The following GUCY1A1 variants were observed in gnomAD, a reference collection of about 807,000 sequenced individuals.
GUCY1A1 encodes the protein guanylate cyclase soluble subunit alpha-1.
A neutral mutation model predicts 64.5 loss-of-function variants in GUCY1A1; 48 were observed. The ratio of observed to expected loss-of-function variants is 0.74; its 90% CI spans 0.59 to 0.95. GUCY1A1 has a LOEUF of 0.95. GUCY1A1 is among the 40% of genes least tolerant of loss of function. The pLI is 0.00. For missense variants in GUCY1A1, 804 were observed against 825.3 expected (o/e 0.97, Z 0.32); for synonymous variants, 308 against 303.4 (o/e 1.02, Z -0.16).
rs1437907422 is a variant in GUCY1A1 at position 155,696,972 on chromosome 4, A to C, written c.105A>C (p.Gly35=). ...VPNESSEEAA[G]SSESCKATVP... is the part of the protein sequence containing the mutation. ...ACGAGTCTTCAGAGGAGGCAGCAGG[A>C]AGCTCAGAGAGCTGCAAAGCAACCG... Residue 35 remains glycine (G), a synonymous_variant, in exon 3 of 10, where the codon GGA becomes GGC. Transcript: ENST00000506455. 9 of 1,613,216 alleles carry C rather than the reference A, an allele frequency of 5.6e-6. No individual in the cohort carries two copies. The highest frequency in any genetic ancestry group is 7.6e-6 in the Non-Finnish European group (9 of 1,179,282).
rs1040310043 is a variant in GUCY1A1 at position 155,705,560 on chromosome 4, G to A, written c.317+1567G>A. Among the ~76,000 whole-genome samples, 651 of 135,406 alleles carry A rather than the reference G, an allele frequency of 4.8e-3. 5 individuals are homozygous for A. Among genetic ancestry groups the A allele is most frequent in the African/African-American group, 0.016 (614 of 38,488 alleles). 88.8% of individuals were successfully genotyped at this position (135,406 alleles called of 152,430 possible). On this transcript the variant is annotated intron_variant, in intron 4 of 9. Transcript: ENST00000506455. ...ATCTCAAAAAAAAAAAAAAAAAAAA[G>A]TAATAGGCCCCGTTTTTGATTCCCT... is the stretch of plus-strand genomic sequence containing the variant.
rs561921845 is a variant in GUCY1A1, at chr4:155,727,231, T to C, written c.1872-2799T>C. On this transcript the variant is annotated intron_variant, in intron 9 of 9. Coordinates refer to ENST00000506455, the MANE Select transcript of GUCY1A1 (RefSeq NM_001130682.3). ...TTTTTGGGTGTTGCTATCATCAAGCTTTCATCGAAATGGTTTGTTTTTCTA... is the reference window on the plus strand; with the variant it reads ...TTTTTGGGTGTTGCTATCATCAAGCCTTCATCGAAATGGTTTGTTTTTCTA... Among the ~76,000 whole-genome samples the C allele has an allele frequency of 4.6e-5, 7 of 152,064 alleles. No homozygotes were observed. The South Asian group carries it at 8.3e-4, about 18-fold the overall frequency.
At chr4:155,680,466 G>C (rs949418098) in intron 2 of GUCY1A1, among the ~76,000 whole-genome samples, 11 of 151,532 alleles carry the variant, frequency 7.3e-5, no homozygotes, top group African/African-American at 2.7e-4. Context: ...GTATATGTGT[G>C]TGTGTGTGTG....
In GUCY1A1 at chr4:155,732,311, G is replaced by A. The variant is rs776165750; in HGVS notation, c.*2080G>A. 4.6e-5 allele frequency: 7 copies of A among 151,754 alleles called. No individual in the cohort carries two copies. The highest frequency in any genetic ancestry group is 2.1e-4 in the South Asian group (1 of 4,832). The allele number at this position is 151,754 out of a possible 1,614,324, so 9.4% of individuals were successfully genotyped here. On this transcript the variant is annotated 3_prime_UTR_variant, in exon 10 of 10. Transcript: ENST00000506455. ...CGATTCCTGCAACTTTTCTATAAACGTGGCATTATATCTAAATAAAAAATT... is the reference window on the plus strand; with the variant it reads ...CGATTCCTGCAACTTTTCTATAAACATGGCATTATATCTAAATAAAAAATT...
chr4:155,692,680 G>C (rs997258819), intron 2 of GUCY1A1, among the ~76,000 whole-genome samples: 7 of 152,322 alleles, frequency 4.6e-5, no homozygotes, highest in African/African-American at 1.7e-4. Flanking sequence ...GTGCCAGAGA[G>C]TGTGGTAAGG....
At chr4:155,712,895 G>A (rs1307090185) in intron 6 of GUCY1A1, among the ~76,000 whole-genome samples, 2 of 152,206 alleles carry the variant, frequency 1.3e-5, no homozygotes, top group South Asian at 4.1e-4. Context: ...TGATTTCTGT[G>A]TAGAGTATAC....
At position 155,733,191 on chromosome 4, in the gene GUCY1A1, A is replaced by T. The variant is rs772606988; in HGVS notation, c.*2960A>T. On this transcript the variant is annotated 3_prime_UTR_variant, in exon 10 of 10. Coordinates refer to ENST00000506455, the MANE Select transcript of GUCY1A1 (RefSeq NM_001130682.3). ...AAATTTAAGGATAAAATATGGCCCA[A>T]TCTATCAAGAAAGGAAAGTGAAAGA... 2.0e-5 allele frequency among the ~76,000 whole-genome samples: 3 copies of T among 151,848 alleles called. No homozygotes were observed. The highest frequency in any genetic ancestry group is 4.4e-5 in the Non-Finnish European group (3 of 67,880).
At chr4:155,677,311 A>G (rs577391707) in intron 2 of GUCY1A1, among the ~76,000 whole-genome samples, 1 of 152,208 alleles carries the variant, frequency 6.6e-6, no homozygotes, top group East Asian at 1.9e-4. Flanking sequence ...TCATCAGCTT[A>G]TATGTAGGAT....
chr4:155,685,808 T>C (rs942787858), intron 2 of GUCY1A1, among the ~76,000 whole-genome samples: 4 of 152,128 alleles, frequency 2.6e-5, no homozygotes, highest in Admixed American at 2.6e-4. Flanking sequence ...TTAGAAGAAC[T>C]GTGAGAGTCA....
intron 3 of GUCY1A1, among the ~76,000 whole-genome samples, chr4:155,702,992 T>C (rs1731293876): frequency 6.6e-6 from 1 of 150,872 alleles, no homozygotes; most frequent in Admixed American, 6.6e-5. Flanking sequence ...TATATATCTC[T>C]ATATATACAC....
rs201913028 is a variant in GUCY1A1 at position 155,722,150 on chromosome 4, G to A, written c.1829G>A (p.Cys610Tyr). ...ACTCTGGCTAACAAATTTGAGTCCT[G>A]CAGTGTACCACGAAAAATCAATGTC... is the stretch of plus-strand genomic sequence containing the variant. Reference protein sequence around the residue: ...NVTLANKFESCSVPRKINVSP... With the variant: ...NVTLANKFESYSVPRKINVSP... The change falls in exon 9 of 10, where the codon TGC becomes TAC. Residue 610 changes from cysteine to tyrosine, a missense_variant. Coordinates refer to ENST00000506455, the MANE Select transcript of GUCY1A1 (RefSeq NM_001130682.3). The A allele has an allele frequency of 4.9e-4, 794 of 1,613,064 alleles. No individual in the cohort carries two copies. The highest frequency in any genetic ancestry group is 6.1e-4 in the Non-Finnish European group (721 of 1,179,344).
At chr4:155,695,291 A>T (rs918057881) in intron 2 of GUCY1A1, among the ~76,000 whole-genome samples, 1 of 152,146 alleles carries the variant, frequency 6.6e-6, no homozygotes, top group Non-Finnish European at 1.5e-5. Flanking sequence ...TACATGTGAC[A>T]ATTTACAGGC....
chr4:155,734,851 T>C lies in GUCY1A1; in HGVS notation c.*4620T>C, dbSNP rs1453796929. The C allele has an allele frequency of 6.6e-6, 1 of 151,990 alleles. No individual in the cohort carries two copies. Among genetic ancestry groups the C allele is most frequent in the Non-Finnish European group, 1.5e-5 (1 of 67,946 alleles). The allele number at this position is 151,990 out of a possible 1,614,324, so 9.4% of individuals were successfully genotyped here. ...GTGTTAGAGTTTATGGTCTCTGTTA[T>C]GATACTTTTCAAGACCTGGGAAATA... On this transcript the variant is annotated 3_prime_UTR_variant, in exon 10 of 10. Transcript: ENST00000506455.
At chr4:155,719,113 G>A (rs1733637635) in intron 8 of GUCY1A1, among the ~76,000 whole-genome samples, 1 of 152,016 alleles carries the variant, frequency 6.6e-6, no homozygotes, top group East Asian at 1.9e-4. Context: ...GGAATTTATG[G>A]CATTTTTGTT....
rs553691860 is a variant in GUCY1A1 at position 155,716,079 on chromosome 4, C to T, written c.1573-1080C>T. ...AGATTGCTCCAGGAGAAAGGAATAG[C>T]AAGTGGGAGCATGTTTGATGTGCTT... is the stretch of plus-strand genomic sequence containing the variant. On this transcript the variant is annotated intron_variant, in intron 7 of 9. Coordinates refer to ENST00000506455, the MANE Select transcript of GUCY1A1 (RefSeq NM_001130682.3). Among the ~76,000 whole-genome samples the T allele has an allele frequency of 4.8e-4, 73 of 152,094 alleles. No individual in the cohort carries two copies. The South Asian group carries it at 0.013, about 27-fold the overall frequency.
At chr4:155,700,333 T>C (rs989519470) in intron 3 of GUCY1A1, among the ~76,000 whole-genome samples, 1 of 152,142 alleles carries the variant, frequency 6.6e-6, no homozygotes, top group Non-Finnish European at 1.5e-5. Context: ...TCTAGAATAT[T>C]AGGTTGAAAG....
intron 2 of GUCY1A1, 142 bp from the exon 3 acceptor site, chr4:155,696,614 C>G: frequency 2.7e-6 from 1 of 372,414 alleles, no homozygotes; most frequent in Non-Finnish European, 4.8e-6. Flanking sequence ...AAATGTCCTG[C>G]TCATTTTATA....
intron 9 of GUCY1A1, among the ~76,000 whole-genome samples, chr4:155,723,102 A>G (rs1734186702): frequency 6.6e-6 from 1 of 152,036 alleles, no homozygotes; most frequent in Non-Finnish European, 1.5e-5. Flanking sequence ...ATTAATATAA[A>G]CTCAAAAGTG....
At position 155,705,335 on chromosome 4, in the gene GUCY1A1, G is replaced by T. The variant is rs1004770893; in HGVS notation, c.317+1342G>T. 2.0e-5 allele frequency among the ~76,000 whole-genome samples: 3 copies of T among 151,966 alleles called. No homozygotes were observed. The South Asian group carries it at 6.2e-4, about 32-fold the overall frequency. ...AGGTCAAGGTAGACAGATCACCTGC[G>T]GTCAGGAGTTCGAGACCAGACTGGC... On this transcript the variant is annotated intron_variant, in intron 4 of 9. Transcript: ENST00000506455.
Sources: allele counts gnomAD v4.1 joint callset (sites outside exome capture counted in the v4.1 genomes callset), GRCh38; gene constraint gnomAD v4.1.1; transcripts MANE v1.5; gene names NCBI Gene and HGNC (gene_info 2026-07-23, HGNC 2026-07-21).